Variants in DRC3 observed in about 807,000 individuals in gnomAD.
DRC3 encodes dynein regulatory complex subunit 3, also known as leucine rich repeat containing 48.
DRC3 carries 45 observed loss-of-function variants against 57.6 expected under a neutral mutation model. The observed-to-expected ratio is 0.78, with a 90% CI of 0.62 to 1.00. DRC3 has a LOEUF of 1.00. Among genes scored for constraint, DRC3 ranks in the 50% least tolerant of loss-of-function variants. DRC3 has a pLI of 0.00. For synonymous variants in DRC3, 257 were observed against 272.3 expected, an observed-to-expected ratio of 0.94 and a Z score of 0.55; for missense variants, 655 against 675.2, an observed-to-expected ratio of 0.97 and a Z score of 0.33.
intron 9 of DRC3, among the ~76,000 whole-genome samples, chr17:17,999,324 G>A (rs1420155284): frequency 1.3e-5 from 2 of 152,146 alleles, no homozygotes; most frequent in Non-Finnish European, 2.9e-5. Context: ...GCCTGCATGC[G>A]GAGTCCCTGG....
chr17:17,979,815 C>T (rs1336055469), intron 3 of DRC3, among the ~76,000 whole-genome samples: 2 of 152,180 alleles, frequency 1.3e-5, no homozygotes, highest in Non-Finnish European at 2.9e-5. Context: ...CCTGGAAGCA[C>T]AGGTGGGAAT....
At position 18,004,544 on chromosome 17, in the gene DRC3, A is replaced by G. The variant is rs779877712; in HGVS notation, c.1131+50A>G. 5 of 1,583,004 alleles carry G rather than the reference A, an allele frequency of 3.2e-6. No individual in the cohort carries two copies. In the East Asian group the frequency reaches 9.2e-5, roughly 29 times the overall value. On this transcript the variant is annotated intron_variant, in intron 10 of 13. Coordinates refer to ENST00000399187, the MANE Select transcript of DRC3 (RefSeq NM_031294.4). ...TGCCAGAATCTGGCGATGCAGCTGC[A>G]CATCCATAGGTGAACTGTAGCCTTC...
intron 12 of DRC3, chr17:18,007,415 C>A (rs1199882871): frequency 6.4e-7 from 1 of 1,550,994 alleles, no homozygotes. Context: ...TCCAAAAGTT[C>A]AATTATGTGG....
chr17:18,001,678 C>T (rs1322326960), intron 9 of DRC3, among the ~76,000 whole-genome samples: 2 of 152,032 alleles, frequency 1.3e-5, no homozygotes, highest in Admixed American at 6.6e-5. Flanking sequence ...CAACTGTAAT[C>T]CCAGCACTTC....
chr17:17,990,905 C>T (rs1481497868), intron 5 of DRC3, among the ~76,000 whole-genome samples: 3 of 152,084 alleles, frequency 2.0e-5, no homozygotes, highest in South Asian at 4.1e-4. Context: ...ACAGAAGAAT[C>T]GCTTGAACCT....
intron 3 of DRC3, among the ~76,000 whole-genome samples, chr17:17,980,439 C>T (rs2145213655): frequency 6.6e-6 from 1 of 152,044 alleles, no homozygotes. Flanking sequence ...GAACTACAGG[C>T]ATATGCGGCC....
chr17:18,007,144 C>A lies in DRC3; in HGVS notation c.1323C>A (p.Arg441=). The change falls in exon 12 of 14, where the codon CGC becomes CGA. Residue 441 remains arginine (R), a synonymous_variant. Coordinates refer to ENST00000399187, the MANE Select transcript of DRC3 (RefSeq NM_031294.4). ...ACGAGGACCTGCCTAACGACCTGCG[C>A]GCGGTAGGCGGGGCGGGCTGCTCGG... is the stretch of plus-strand genomic sequence containing the variant. ...DLDEDLPNDL[R]ALFVDKDTIV... 1.2e-6 allele frequency: 1 copy of A among 807,114 alleles called. No individual in the cohort carries two copies. The highest frequency in any genetic ancestry group is 1.5e-6 in the Non-Finnish European group (1 of 665,126). 50.0% of individuals were successfully genotyped at this position (807,114 alleles called of 1,614,324 possible). A position where few individuals can be genotyped will look rare whatever the true frequency, so the allele number is the denominator to read the frequency against.
chr17:17,978,033 C>T, intron 3 of DRC3: 2 of 320,750 alleles, frequency 6.2e-6, no homozygotes, highest in South Asian at 4.4e-5. Flanking sequence ...AAGTGAGCCC[C>T]CAAGACTATG....
intron 4 of DRC3, among the ~76,000 whole-genome samples, chr17:17,987,214 CA>C (rs1046062123): frequency 0.022 from 1,001 of 45,200 alleles, 7 homozygotes; most frequent in African/African-American, 0.053. Context: ...GACCCTGTCT[CA>C]AAAAAAAAAA....
At chr17:18,004,052 T>C (rs572569327) in intron 9 of DRC3, among the ~76,000 whole-genome samples, 1 of 152,218 alleles carries the variant, frequency 6.6e-6, no homozygotes, top group East Asian at 1.9e-4. Flanking sequence ...CTACCCTGCC[T>C]ACCAGCCTCT....
intron 3 of DRC3, chr17:17,981,190 G>T (rs770548214): frequency 1.3e-5 from 3 of 228,502 alleles, no homozygotes; most frequent in Non-Finnish European, 1.9e-5. Context: ...TTCCCTTTAA[G>T]CAAAGGCTGC....
chr17:18,006,799 G>A (rs1458166232), intron 11 of DRC3: 1 of 568,466 alleles, frequency 1.8e-6, no homozygotes, highest in African/African-American at 1.9e-5. Flanking sequence ...CCATGCAGGA[G>A]GGAGAGAAGA....
At chr17:17,986,283 C>T (rs966952162) in intron 4 of DRC3, among the ~76,000 whole-genome samples, 1 of 152,180 alleles carries the variant, frequency 6.6e-6, no homozygotes, top group African/African-American at 2.4e-5. Context: ...ATCTCAGTTT[C>T]CTCATCTATA....
At chr17:17,983,019 G>A (rs2042781493) in intron 3 of DRC3, among the ~76,000 whole-genome samples, 1 of 152,226 alleles carries the variant, frequency 6.6e-6, no homozygotes, top group African/African-American at 2.4e-5. Flanking sequence ...TACATATACA[G>A]TACATATTTA....
intron 12 of DRC3, chr17:18,007,512 C>A: frequency 6.5e-7 from 1 of 1,547,852 alleles, no homozygotes. Context: ...ACCTTAGAGT[C>A]TGTATAATGA....
chr17:17,974,245 T>C (rs1242628660), intron 2 of DRC3, among the ~76,000 whole-genome samples: 1 of 152,258 alleles, frequency 6.6e-6, no homozygotes, highest in Non-Finnish European at 1.5e-5. Context: ...ATTAAGTTTC[T>C]AGAAATTTCT....
intron 6 of DRC3, 126 bp from the exon 7 acceptor site, chr17:17,994,173 A>T (rs997211782): frequency 3.3e-5 from 42 of 1,292,124 alleles, no homozygotes; most frequent in Admixed American, 9.6e-5. Context: ...CACAGCCTTC[A>T]TGCAGGCCCC....
intron 4 of DRC3, among the ~76,000 whole-genome samples, chr17:17,987,138 C>G (rs1279465707): frequency 6.8e-6 from 1 of 148,148 alleles, no homozygotes; most frequent in African/African-American, 2.5e-5. Flanking sequence ...TCACTTGAAC[C>G]CAGGAGGTCA....
intron 8 of DRC3, chr17:17,995,663 C>T (rs1307865904): frequency 6.4e-6 from 1 of 155,888 alleles, no homozygotes; most frequent in African/African-American, 2.4e-5. Flanking sequence ...AGGCTGTGAC[C>T]ATCGATCAAT....
Sources: gnomAD v4.1 joint callset for allele counts (sites outside exome capture counted in the v4.1 genomes callset) on GRCh38, gnomAD v4.1.1 for gene constraint, MANE v1.5 for transcripts, NCBI Gene and HGNC (gene_info 2026-07-23, HGNC 2026-07-21) for gene names.